Variants in LYPLAL1 observed in about 807,000 individuals in gnomAD.
The protein encoded by LYPLAL1 is lysophospholipase-like protein 1.
A neutral mutation model predicts 19.7 loss-of-function variants in LYPLAL1; 23 were observed. The observed-to-expected ratio is 1.17, with a 90% confidence interval of 0.84 to 1.65. LYPLAL1 has a LOEUF of 1.65. Ranked by LOEUF, LYPLAL1 falls within the 40% of genes most tolerant of loss-of-function variation. LYPLAL1 has a pLI of 0.00. For synonymous variants in LYPLAL1, 119 were observed against 96.3 expected, an observed-to-expected ratio of 1.24 and a Z score of -1.38; for missense variants, 355 against 279.4, an observed-to-expected ratio of 1.27 and a Z score of -1.93.
the LYPLAL1 span, among the ~76,000 whole-genome samples, chr1:219,403,158 A>G: frequency 3.3e-5 from 5 of 152,242 alleles, no homozygotes; most frequent in African/African-American, 9.6e-5. Context: ...GACTCATGCA[A>G]TTATTTTCTC....
At chr1:219,240,162 T>A in the LYPLAL1 span, among the ~76,000 whole-genome samples, 3 of 151,818 alleles carry the variant, frequency 2.0e-5, no homozygotes, top group Non-Finnish European at 4.4e-5. Flanking sequence ...CTGGAAGACT[T>A]TGAAATCACG....
chr1:219,182,970 G>A (rs1347540283), intron 2 of LYPLAL1, among the ~76,000 whole-genome samples: 1 of 152,092 alleles, frequency 6.6e-6, no homozygotes, highest in East Asian at 1.9e-4. Flanking sequence ...AAAATGAAAT[G>A]TATAAAAGCA....
At chr1:219,426,786 A>T in the LYPLAL1 span, among the ~76,000 whole-genome samples, 3 of 152,090 alleles carry the variant, frequency 2.0e-5, no homozygotes, top group Admixed American at 6.5e-5. Flanking sequence ...TTTAGTAGAG[A>T]CGGGTTTTTG....
At chr1:219,278,208 G>A in the LYPLAL1 span, among the ~76,000 whole-genome samples, 1 of 152,056 alleles carries the variant, frequency 6.6e-6, no homozygotes. Flanking sequence ...CCTACCCCTG[G>A]ACTCTTTTCC....
the LYPLAL1 span, among the ~76,000 whole-genome samples, chr1:219,357,987 C>G: frequency 1.3e-5 from 2 of 152,080 alleles, no homozygotes; most frequent in East Asian, 3.9e-4. Context: ...AAACACAAAA[C>G]TGTAGAGGCA....
chr1:219,333,803 A>G, the LYPLAL1 span, among the ~76,000 whole-genome samples: 3 of 151,998 alleles, frequency 2.0e-5, no homozygotes, highest in Non-Finnish European at 2.9e-5. Flanking sequence ...TTACTAAGCT[A>G]TGTCTCACTG....
chr1:219,179,061 C>G (rs953834129), intron 1 of LYPLAL1, 86 bp from the exon 2 acceptor site: 1 of 827,396 alleles, frequency 1.2e-6, no homozygotes, highest in African/African-American at 1.8e-5. Context: ...ATTCCATCCT[C>G]TGTGTGACAT....
chr1:219,320,247 G>T, the LYPLAL1 span, among the ~76,000 whole-genome samples: 8 of 151,400 alleles, frequency 5.3e-5, no homozygotes, highest in African/African-American at 1.9e-4. Context: ...ATCTATACTG[G>T]TCCTGCCTTC....
the LYPLAL1 span, among the ~76,000 whole-genome samples, chr1:219,352,081 C>G: frequency 6.6e-6 from 1 of 152,312 alleles, no homozygotes; most frequent in East Asian, 1.9e-4. Flanking sequence ...CTGCTCCACT[C>G]TATAGAGGAA....
At chr1:219,203,321 T>A (rs1658273048) in intron 3 of LYPLAL1, among the ~76,000 whole-genome samples, 1 of 152,016 alleles carries the variant, frequency 6.6e-6, no homozygotes, top group Non-Finnish European at 1.5e-5. Context: ...GTATGTGATC[T>A]TCTACCTTTT....
At chr1:219,305,342 G>GCCTA in the LYPLAL1 span, among the ~76,000 whole-genome samples, 1 of 152,090 alleles carries the variant, frequency 6.6e-6, no homozygotes, top group Non-Finnish European at 1.5e-5. Flanking sequence ...TGTAATTGGT[G>GCCTA]TAGGAAGCAT....
At chr1:219,278,732 G>C in the LYPLAL1 span, among the ~76,000 whole-genome samples, 3 of 151,638 alleles carry the variant, frequency 2.0e-5, no homozygotes, top group African/African-American at 2.4e-5. Context: ...TGGGAAAGAA[G>C]GGCGGACACC....
At chr1:219,241,098 ATCTCTCTCTCTC>A in the LYPLAL1 span, among the ~76,000 whole-genome samples, 1 of 59,230 alleles carries the variant, frequency 1.7e-5, no homozygotes, top group Admixed American at 2.4e-4. Flanking sequence ...AATATATATA[ATCTCTCTCTCTC>A]TCTCTCTCTC....
At chr1:219,247,557 CA>C in the LYPLAL1 span, among the ~76,000 whole-genome samples, 1 of 152,196 alleles carries the variant, frequency 6.6e-6, no homozygotes, top group African/African-American at 2.4e-5. Context: ...TTAGCTGGAC[CA>C]AAGGCTGAGT....
At chr1:219,231,817 ACT>A in the LYPLAL1 span, among the ~76,000 whole-genome samples, 2 of 151,898 alleles carry the variant, frequency 1.3e-5, no homozygotes, top group Admixed American at 1.3e-4. Flanking sequence ...TCTATAGACA[ACT>A]CTATATATGT....
the LYPLAL1 span, among the ~76,000 whole-genome samples, chr1:219,236,468 A>G: frequency 6.6e-6 from 1 of 152,200 alleles, no homozygotes; most frequent in African/African-American, 2.4e-5. Flanking sequence ...TTAATTTCAT[A>G]TATTCGTTTT....
the LYPLAL1 span, among the ~76,000 whole-genome samples, chr1:219,382,926 A>G: frequency 6.6e-6 from 1 of 152,044 alleles, no homozygotes; most frequent in Non-Finnish European, 1.5e-5. Context: ...ATGCCCACCT[A>G]CTCGGTGCAA....
the LYPLAL1 span, among the ~76,000 whole-genome samples, chr1:219,327,425 G>T: frequency 2.0e-5 from 3 of 152,182 alleles, no homozygotes; most frequent in Non-Finnish European, 4.4e-5. Flanking sequence ...GGCAATTGAG[G>T]TCCTGAAGAA....
At chr1:219,192,911 G>C (rs959588754) in intron 2 of LYPLAL1, among the ~76,000 whole-genome samples, 171 bp from the exon 3 acceptor site, 1 of 151,414 alleles carries the variant, frequency 6.6e-6, no homozygotes, top group Non-Finnish European at 1.5e-5. Flanking sequence ...TACAAGTATG[G>C]GATAGTTAAT....
Sources: allele counts gnomAD v4.1 joint callset (sites outside exome capture counted in the v4.1 genomes callset), GRCh38; gene constraint gnomAD v4.1.1; transcripts MANE v1.5; gene names NCBI Gene and HGNC (gene_info 2026-07-23, HGNC 2026-07-21).